Variants in KCNT2 observed in about 807,000 individuals in gnomAD.
KCNT2 encodes potassium channel subfamily T member 2.
Under a neutral mutation model 153.8 loss-of-function variants are expected in KCNT2, and 67 were observed. That is an observed-to-expected ratio of 0.44 (90% CI 0.36 to 0.53). The LOEUF is 0.53. Among genes scored for constraint, KCNT2 ranks in the 20% least tolerant of loss-of-function variants. KCNT2 has a pLI of 0.00. For missense variants in KCNT2, 975 were observed against 1,354.8 expected (o/e 0.72, Z 4.40); for synonymous variants, 500 against 458.8 (o/e 1.09, Z -1.15).
chr1:196,467,289 C>T (rs967905319), intron 7 of KCNT2, among the ~76,000 whole-genome samples: 7 of 151,900 alleles, frequency 4.6e-5, no homozygotes, highest in Non-Finnish European at 1.0e-4. Context: ...TTTTCTTTAC[C>T]AGTCATAGGA....
intron 12 of KCNT2, among the ~76,000 whole-genome samples, chr1:196,408,386 AAAG>A (rs144143436): frequency 4.0e-5 from 6 of 151,724 alleles, no homozygotes; most frequent in African/African-American, 1.4e-4. Context: ...AAGAAAAGGA[AAAG>A]AAGGAAACAA....
intron 1 of KCNT2, among the ~76,000 whole-genome samples, chr1:196,548,495 T>A (rs1235445593): frequency 2.2e-4 from 33 of 151,946 alleles, no homozygotes; most frequent in Admixed American, 2.2e-3. Context: ...CATTAAAAAG[T>A]CAGGAAACAA....
intron 25 of KCNT2, among the ~76,000 whole-genome samples, chr1:196,276,866 G>T (rs796542903): frequency 5.9e-5 from 9 of 152,028 alleles, no homozygotes; most frequent in African/African-American, 2.2e-4. Context: ...GTGACCTATC[G>T]CACGTCTCCT....
At chr1:196,267,781 C>T (rs1259082432) in intron 25 of KCNT2, among the ~76,000 whole-genome samples, 1 of 152,156 alleles carries the variant, frequency 6.6e-6, no homozygotes, top group Admixed American at 6.5e-5. Flanking sequence ...ATGAAAGCAT[C>T]ACCCTGCAAG....
chr1:196,483,904 G>A (rs1679211543), intron 3 of KCNT2, among the ~76,000 whole-genome samples: 1 of 152,000 alleles, frequency 6.6e-6, no homozygotes, highest in South Asian at 2.1e-4. Flanking sequence ...AATGATAAAT[G>A]GTGCCAATTA....
chr1:196,604,506 A>G (rs1665102258), intron 1 of KCNT2, among the ~76,000 whole-genome samples: 1 of 152,150 alleles, frequency 6.6e-6, no homozygotes, highest in African/African-American at 2.4e-5. Flanking sequence ...CCCTACACAT[A>G]AGCAATATTC....
At chr1:196,333,043 G>C (rs1049224733) in intron 17 of KCNT2, among the ~76,000 whole-genome samples, 2 of 151,520 alleles carry the variant, frequency 1.3e-5, no homozygotes, top group Admixed American at 1.3e-4. Context: ...TGCCATCTCG[G>C]CCTTCCAAAG....
At chr1:196,580,351 C>T (rs1661882240) in intron 1 of KCNT2, among the ~76,000 whole-genome samples, 1 of 152,106 alleles carries the variant, frequency 6.6e-6, no homozygotes, top group African/African-American at 2.4e-5. Flanking sequence ...GAGGGAGTTC[C>T]TGAGTAACTC....
Position 196,431,479 on chromosome 1 carries a change from T to C in KCNT2, c.639-1722A>G, listed in dbSNP as rs145476342. Among the ~76,000 whole-genome samples the C allele has an allele frequency of 2.9e-3, 437 of 152,092 alleles. 2 individuals are homozygous for C. Among genetic ancestry groups the C allele is most frequent in the African/African-American group, 1.0e-2 (415 of 41,510 alleles). On this transcript the variant is annotated intron_variant, in intron 8 of 27. Coordinates refer to ENST00000294725, the MANE Select transcript of KCNT2 (RefSeq NM_198503.5). The stretch of plus-strand genomic sequence containing the variant: ...TATTTAAACAGTCATGACCAGAATA[T>C]TGGGGGAAATACCGACGGTAACGGC...
intron 1 of KCNT2, among the ~76,000 whole-genome samples, chr1:196,552,149 G>GA (rs1657996733): frequency 6.6e-6 from 1 of 150,536 alleles, no homozygotes; most frequent in Admixed American, 6.6e-5. Context: ...AAAATAAATA[G>GA]AAAAAATGAG....
intron 16 of KCNT2, among the ~76,000 whole-genome samples, chr1:196,337,183 A>G (rs1665121958): frequency 6.9e-6 from 1 of 145,246 alleles, no homozygotes; most frequent in Admixed American, 7.0e-5. Flanking sequence ...CATTCCCCCT[A>G]GCCTTTCCTC....
At chr1:196,580,177 T>G (rs1260905147) in intron 1 of KCNT2, among the ~76,000 whole-genome samples, 1 of 152,118 alleles carries the variant, frequency 6.6e-6, no homozygotes, top group African/African-American at 2.4e-5. Flanking sequence ...GTGAAGAGCA[T>G]TCCTAAGATA....
chr1:196,483,907 G>C (rs1021903496), intron 3 of KCNT2, among the ~76,000 whole-genome samples: 3 of 152,098 alleles, frequency 2.0e-5, no homozygotes, highest in African/African-American at 7.2e-5. Flanking sequence ...GATAAATGGT[G>C]CCAATTAAGT....
intron 12 of KCNT2, among the ~76,000 whole-genome samples, chr1:196,418,494 C>A (rs919843727): frequency 1.3e-5 from 2 of 151,904 alleles, no homozygotes; most frequent in Non-Finnish European, 2.9e-5. Flanking sequence ...ACAACAAAAA[C>A]AACTCAGGTT....
intron 8 of KCNT2, among the ~76,000 whole-genome samples, chr1:196,440,291 C>T (rs1675110605): frequency 6.6e-6 from 1 of 151,850 alleles, no homozygotes; most frequent in Non-Finnish European, 1.5e-5. Context: ...TGTATATGTT[C>T]CTTGAAAATC....
In KCNT2 at chr1:196,331,229, T is replaced by A. The variant is rs1033083617; in HGVS notation, c.2030A>T (p.Tyr677Phe). 1 of 1,604,464 alleles carries A rather than the reference T, an allele frequency of 6.2e-7. No individual in the cohort carries two copies. Among genetic ancestry groups the A allele is most frequent in the Non-Finnish European group, 8.5e-7 (1 of 1,171,700 alleles). ...YAKGYPPYSP[Y>F]IGSSPTFCHL... Reference sequence around the variant, plus strand: ...ACAAAAAGTGGGTGAACTTCCTATATATGGAGAATAAGGTGGGTAACCTTT... The same window carrying A: ...ACAAAAAGTGGGTGAACTTCCTATAAATGGAGAATAAGGTGGGTAACCTTT... Residue 677 changes from tyrosine (Y) to phenylalanine (F), a missense_variant, in exon 18 of 28, where the codon TAT becomes TTT. By Grantham distance (22) the Tyr-to-Phe change is conservative (BLOSUM62 3). Transcript: ENST00000294725.
intron 12 of KCNT2, among the ~76,000 whole-genome samples, chr1:196,406,124 C>T (rs971930439): frequency 1.3e-5 from 2 of 151,336 alleles, no homozygotes; most frequent in Non-Finnish European, 3.0e-5. Context: ...ATTAGAACAT[C>T]CAGGTCTAAT....
intron 14 of KCNT2, among the ~76,000 whole-genome samples, chr1:196,354,367 A>G (rs1490595164): frequency 6.6e-6 from 1 of 151,734 alleles, no homozygotes; most frequent in East Asian, 1.9e-4. Context: ...CTTCAGATTC[A>G]CCAAAATTGA....
At chr1:196,252,522 CG>C (rs1299931562) in intron 26 of KCNT2, among the ~76,000 whole-genome samples, 1 of 151,654 alleles carries the variant, frequency 6.6e-6, no homozygotes, top group Non-Finnish European at 1.5e-5. Flanking sequence ...CTACATTATA[CG>C]TCAGTTTTTC....
Sources: allele counts gnomAD v4.1 joint callset (sites outside exome capture counted in the v4.1 genomes callset), GRCh38; gene constraint gnomAD v4.1.1; transcripts MANE v1.5; gene names NCBI Gene and HGNC (gene_info 2026-07-23, HGNC 2026-07-21).